The following CHST8 variants were observed in gnomAD, a reference collection of about 807,000 sequenced individuals.
The protein encoded by CHST8 is GALNAC-4-ST1.
In CHST8, 10 loss-of-function variants were observed where a neutral mutation model predicts 15.0. The observed-to-expected ratio is 0.67, with a 90% CI of 0.41 to 1.13. The LOEUF (loss-of-function observed/expected upper bound fraction) is 1.13. CHST8 is among the 50% of genes most tolerant of loss of function. CHST8 has a pLI of 0.00. For synonymous variants in CHST8, 259 were observed against 256.6 expected (o/e 1.01, Z -0.09); for missense variants, 634 against 608.2 (o/e 1.04, Z -0.45).
intron 1 of CHST8, among the ~76,000 whole-genome samples, chr19:33,646,744 T>G (rs1216173970): frequency 6.6e-6 from 1 of 152,148 alleles, no homozygotes; most frequent in African/African-American, 2.4e-5. Flanking sequence ...TGAACTCCTG[T>G]CTCTACTCAA....
intron 3 of CHST8, among the ~76,000 whole-genome samples, chr19:33,737,513 G>T (rs534297639): frequency 3.3e-5 from 5 of 152,292 alleles, no homozygotes; most frequent in African/African-American, 1.2e-4. Context: ...GGTCCTAATT[G>T]TCAGCTTTTC....
chr19:33,762,611 G>A (rs1358819172), intron 3 of CHST8, among the ~76,000 whole-genome samples: 2 of 152,236 alleles, frequency 1.3e-5, no homozygotes, highest in Non-Finnish European at 1.5e-5. Flanking sequence ...GCTGCGCTGC[G>A]GGAGATTCAG....
At chr19:33,643,641 G>A (rs1367646187) in intron 1 of CHST8, among the ~76,000 whole-genome samples, 3 of 151,960 alleles carry the variant, frequency 2.0e-5, no homozygotes, top group Non-Finnish European at 2.9e-5. Context: ...TGTTAACTAG[G>A]GCCTCTTCTA....
intron 3 of CHST8, among the ~76,000 whole-genome samples, chr19:33,710,200 T>C (rs968406946): frequency 6.6e-5 from 10 of 152,204 alleles, no homozygotes; most frequent in African/African-American, 2.4e-4. Context: ...TCATTCATGA[T>C]GTTAGTAGTT....
chr19:33,668,829 C>T (rs1014649965), intron 2 of CHST8, among the ~76,000 whole-genome samples: 6 of 152,106 alleles, frequency 3.9e-5, no homozygotes, highest in Non-Finnish European at 8.8e-5. Context: ...GATATATGGA[C>T]TCTCGTGCGT....
At chr19:33,651,385 C>T (rs1028767959) in intron 1 of CHST8, among the ~76,000 whole-genome samples, 1 of 151,776 alleles carries the variant, frequency 6.6e-6, no homozygotes, top group African/African-American at 2.4e-5. Flanking sequence ...AAAAAAGCGT[C>T]CTATATTACT....
chr19:33,650,522 T>A, intron 1 of CHST8, among the ~76,000 whole-genome samples: 1 of 77,950 alleles, frequency 1.3e-5, no homozygotes, highest in South Asian at 5.3e-4. Context: ...TCTTTTCTTT[T>A]TTTTTTTTTT....
At chr19:33,650,518 C>CTTTTCTTTTT (rs1972428902) in intron 1 of CHST8, among the ~76,000 whole-genome samples, 1 of 36,070 alleles carries the variant, frequency 2.8e-5, no homozygotes, top group African/African-American at 1.3e-4. Context: ...TTTTTCTTTT[C>CTTTTCTTTTT]TTTTTTTTTT....
chr19:33,772,229 C>A lies in CHST8; in HGVS notation c.441C>A (p.Val147=). Reference sequence around the variant, plus strand: ...CCGGGACGCTGGATGGCCGCTGGGTCAGCCTGCACCGGAGCCAGCAGGAGC... The same window carrying A: ...CCGGGACGCTGGATGGCCGCTGGGTAAGCCTGCACCGGAGCCAGCAGGAGC... The part of the protein sequence containing the change: ...PGPGTLDGRW[V]SLHRSQQERK... Residue 147 remains valine (V), a synonymous_variant, in exon 5 of 5, where the codon GTC becomes GTA. Transcript: ENST00000650847. 1 of 1,597,174 alleles carries A rather than the reference C, an allele frequency of 6.3e-7. No individual in the cohort carries two copies. Among genetic ancestry groups the A allele is most frequent in the Non-Finnish European group, 8.5e-7 (1 of 1,176,268 alleles).
intron 3 of CHST8, among the ~76,000 whole-genome samples, chr19:33,766,055 C>T (rs1452365387): frequency 1.3e-5 from 2 of 152,014 alleles, no homozygotes; most frequent in Non-Finnish European, 2.9e-5. Flanking sequence ...CCTGGGTCTC[C>T]GGCCTGCTGG....
intron 1 of CHST8, among the ~76,000 whole-genome samples, chr19:33,662,891 T>C (rs1242709873): frequency 1.3e-5 from 2 of 152,216 alleles, no homozygotes; most frequent in Non-Finnish European, 2.9e-5. Context: ...CCACATTCCT[T>C]TTTTAAAAGT....
intron 3 of CHST8, among the ~76,000 whole-genome samples, chr19:33,722,112 A>ATGG (rs1973811065): frequency 9.9e-6 from 1 of 101,508 alleles, no homozygotes; most frequent in Non-Finnish European, 2.0e-5. Flanking sequence ...TGGATGGATG[A>ATGG]AGGGATGGAT....
chr19:33,723,340 A>T (rs78788185), intron 3 of CHST8, among the ~76,000 whole-genome samples: 11,470 of 152,264 alleles, frequency 0.075, 606 homozygotes, highest in Middle Eastern at 0.13. Context: ...ACCTAGGAGC[A>T]TATGTTTGAC....
chr19:33,641,399 A>G (rs1215972127), intron 1 of CHST8, among the ~76,000 whole-genome samples: 1 of 152,018 alleles, frequency 6.6e-6, no homozygotes, highest in Non-Finnish European at 1.5e-5. Context: ...CTCAGCCTAG[A>G]TCTCCGCCCC....
At chr19:33,719,762 T>G (rs908375558) in intron 3 of CHST8, among the ~76,000 whole-genome samples, 1 of 143,890 alleles carries the variant, frequency 6.9e-6, no homozygotes, top group African/African-American at 2.6e-5. Context: ...AAAAAAAAAA[T>G]CACATGCAGT....
At chr19:33,765,070 A>ATATATATATATGTATG (rs71181381) in intron 3 of CHST8, among the ~76,000 whole-genome samples, 11 of 113,198 alleles carry the variant, frequency 9.7e-5, no homozygotes, top group African/African-American at 1.7e-4. Flanking sequence ...ATATATATAT[A>ATATATATATATGTATG]TATCAGAGTT....
intron 3 of CHST8, among the ~76,000 whole-genome samples, chr19:33,768,317 A>G (rs1974893836): frequency 6.6e-6 from 1 of 152,172 alleles, no homozygotes; most frequent in Non-Finnish European, 1.5e-5. Flanking sequence ...GCTCGCACCT[A>G]TAATTCCAGC....
At chr19:33,651,698 G>GA (rs1424311624) in intron 1 of CHST8, among the ~76,000 whole-genome samples, 2 of 151,884 alleles carry the variant, frequency 1.3e-5, no homozygotes, top group African/African-American at 4.8e-5. Flanking sequence ...TTCTGTTTTT[G>GA]AAAAAACAAG....
Position 33,736,717 on chromosome 19 carries a change from C to T in CHST8, c.131-34696C>T, listed in dbSNP as rs77846612. 4.4e-4 allele frequency among the ~76,000 whole-genome samples: 67 copies of T among 152,226 alleles called. 2 individuals carry two copies. The East Asian group carries it at 0.011, about 26-fold the overall frequency. On this transcript the variant is annotated intron_variant, in intron 3 of 4. Coordinates refer to ENST00000650847, the MANE Select transcript of CHST8 (RefSeq NM_001127895.2). ...GAGATTTTCTAGCACCAGCAGACACCGTGGCCACCACCCCTCTCTCCCTAC... is the reference window on the plus strand; with the variant it reads ...GAGATTTTCTAGCACCAGCAGACACTGTGGCCACCACCCCTCTCTCCCTAC...
Sources: allele counts gnomAD v4.1 joint callset (sites outside exome capture counted in the v4.1 genomes callset), GRCh38; gene constraint gnomAD v4.1.1; transcripts MANE v1.5; gene names NCBI Gene and HGNC (gene_info 2026-07-23, HGNC 2026-07-21).